The following TNFSF4 variants were observed in gnomAD, a reference collection of about 807,000 sequenced individuals.
TNFSF4 encodes the protein TNF superfamily member 4.
Under a neutral mutation model 7.3 loss-of-function variants are expected in TNFSF4, and 4 were observed. The ratio of observed to expected loss-of-function variants is 0.55; its 90% CI spans 0.27 to 1.25. The LOEUF is 1.25. TNFSF4 is among the 50% of genes most tolerant of loss of function. The pLI, the probability that TNFSF4 is intolerant of heterozygous loss-of-function variation, is 0.12. For synonymous variants in TNFSF4, 76 were observed against 83.7 expected (o/e 0.91, Z 0.50); for missense variants, 181 against 208.8 (o/e 0.87, Z 0.82).
At chr1:173,195,595 A>G (rs1440883695) in intron 1 of TNFSF4, among the ~76,000 whole-genome samples, 1 of 152,240 alleles carries the variant, frequency 6.6e-6, no homozygotes, top group Non-Finnish European at 1.5e-5. Flanking sequence ...ACTTGTTTCA[A>G]GAGCTCATCT....
the TNFSF4 span, among the ~76,000 whole-genome samples, chr1:173,448,751 C>T: frequency 1.3e-5 from 2 of 152,048 alleles, no homozygotes; most frequent in Non-Finnish European, 2.9e-5. Flanking sequence ...TCAGTTAAGG[C>T]GGGGCAGGGC....
chr1:173,273,074 G>GA, the TNFSF4 span, among the ~76,000 whole-genome samples: 1 of 152,090 alleles, frequency 6.6e-6, no homozygotes, highest in South Asian at 2.1e-4. Flanking sequence ...CTCAATTAGG[G>GA]CACAAACAAA....
the TNFSF4 span, chr1:173,351,680 A>G: frequency 3.2e-6 from 1 of 309,056 alleles, no homozygotes; most frequent in Non-Finnish European, 5.9e-6. Context: ...TTATAGCACT[A>G]AATGCCCATA....
the TNFSF4 span, among the ~76,000 whole-genome samples, chr1:173,419,910 G>T: frequency 3.3e-5 from 5 of 151,954 alleles, no homozygotes; most frequent in African/African-American, 7.3e-5. Flanking sequence ...TGTGGCGGGG[G>T]GGGGGATGAG....
chr1:173,427,112 A>C, the TNFSF4 span, among the ~76,000 whole-genome samples: 1 of 152,240 alleles, frequency 6.6e-6, no homozygotes, highest in Non-Finnish European at 1.5e-5. Context: ...CATTTGTAGT[A>C]ATTTGTCACA....
chr1:173,184,702 TACACACAC>T lies in TNFSF4; in HGVS notation c.*1806_*1813del, dbSNP rs45586537. The T allele has an allele frequency of 6.7e-6, 1 of 150,220 alleles. No homozygotes were observed. The highest frequency in any genetic ancestry group is 1.5e-5 in the Non-Finnish European group (1 of 67,438). The allele number at this position is 150,220 out of a possible 1,614,324, so 9.3% of individuals were successfully genotyped here. On this transcript the variant is annotated 3_prime_UTR_variant, in exon 3 of 3. Coordinates refer to ENST00000281834, the MANE Select transcript of TNFSF4 (RefSeq NM_003326.5). ...ACATGGTCAATAACAAAAAGTGAAATACACACACACACACACACACAAACACACACACA... is the reference window on the plus strand; with the variant it reads ...ACATGGTCAATAACAAAAAGTGAAATACACACACACACAAACACACACACA...
chr1:173,187,718 A>G (rs1233707746), intron 2 of TNFSF4, among the ~76,000 whole-genome samples: 1 of 152,166 alleles, frequency 6.6e-6, no homozygotes, highest in Non-Finnish European at 1.5e-5. Context: ...GCAGTGATAG[A>G]CTTGGTTGTT....
At chr1:173,318,029 T>A in the TNFSF4 span, among the ~76,000 whole-genome samples, 306 of 152,244 alleles carry the variant, frequency 2.0e-3, 1 homozygote, top group Non-Finnish European at 3.2e-3. Flanking sequence ...GGATCACAAA[T>A]CACTGAGAAA....
the TNFSF4 span, among the ~76,000 whole-genome samples, chr1:173,389,249 C>G: frequency 6.6e-6 from 1 of 152,124 alleles, no homozygotes; most frequent in Non-Finnish European, 1.5e-5. Context: ...ATTTAGATAT[C>G]TAGCAGTCAA....
chr1:173,400,324 G>C, the TNFSF4 span, among the ~76,000 whole-genome samples: 1 of 152,190 alleles, frequency 6.6e-6, no homozygotes, highest in African/African-American at 2.4e-5. Flanking sequence ...TATATGCTCT[G>C]AATCAGCAAG....
the TNFSF4 span, among the ~76,000 whole-genome samples, chr1:173,178,391 G>A: frequency 3.3e-5 from 5 of 152,106 alleles, no homozygotes; most frequent in East Asian, 5.8e-4. Flanking sequence ...CTGGCTAAAC[G>A]ATGAAACCCT....
the TNFSF4 span, among the ~76,000 whole-genome samples, chr1:173,328,480 T>G: frequency 6.6e-6 from 1 of 151,604 alleles, no homozygotes; most frequent in African/African-American, 2.4e-5. Flanking sequence ...GTTGTGCACA[T>G]GTACCCTAAA....
upstream of TNFSF4, among the ~76,000 whole-genome samples, chr1:173,207,571 G>C (rs1029332784): frequency 6.6e-6 from 1 of 152,058 alleles, no homozygotes; most frequent in African/African-American, 2.4e-5. Flanking sequence ...GGGTCACTTG[G>C]TAAAGATAAA....
the TNFSF4 span, among the ~76,000 whole-genome samples, chr1:173,231,854 C>A: frequency 6.6e-6 from 1 of 152,068 alleles, no homozygotes; most frequent in East Asian, 1.9e-4. Context: ...GAGTGAACTC[C>A]CATTCACAAT....
At chr1:173,257,864 C>T in the TNFSF4 span, among the ~76,000 whole-genome samples, 1 of 152,176 alleles carries the variant, frequency 6.6e-6, no homozygotes, top group Admixed American at 6.5e-5. Context: ...TGGTTGAACT[C>T]AATTTCTGGC....
At chr1:173,292,653 A>G in the TNFSF4 span, among the ~76,000 whole-genome samples, 7 of 119,650 alleles carry the variant, frequency 5.9e-5, no homozygotes, top group East Asian at 1.2e-3. Flanking sequence ...AGCAATCAGG[A>G]AAAAAAAAAA....
At chr1:173,426,791 G>A in the TNFSF4 span, among the ~76,000 whole-genome samples, 3 of 152,098 alleles carry the variant, frequency 2.0e-5, no homozygotes, top group South Asian at 2.1e-4. Flanking sequence ...ACAAGGTCTC[G>A]CTATGTTGCC....
chr1:173,193,268 CA>C (rs1452500122), intron 1 of TNFSF4, among the ~76,000 whole-genome samples: 2 of 152,038 alleles, frequency 1.3e-5, no homozygotes, highest in Non-Finnish European at 2.9e-5. Context: ...ATCAAAGGGC[CA>C]GGGGGCTTCC....
chr1:173,227,737 C>T, the TNFSF4 span, among the ~76,000 whole-genome samples: 1 of 152,232 alleles, frequency 6.6e-6, no homozygotes, highest in Non-Finnish European at 1.5e-5. Flanking sequence ...CACTCCCACC[C>T]TAATACTGTG....
Sources: gnomAD v4.1 joint callset for allele counts (sites outside exome capture counted in the v4.1 genomes callset) on GRCh38, gnomAD v4.1.1 for gene constraint, MANE v1.5 for transcripts, NCBI Gene and HGNC (gene_info 2026-07-23, HGNC 2026-07-21) for gene names.